SEMA5A: variants seen among roughly 807,000 people sequenced by gnomAD.
SEMA5A encodes the protein semaphorin 5A, also known as semaphorin-5A.
SEMA5A carries 55 observed loss-of-function variants against 135.5 expected under a neutral mutation model. That is an observed-to-expected ratio of 0.41 (90% confidence interval 0.33 to 0.51). The LOEUF (loss-of-function observed/expected upper bound fraction) is 0.51. SEMA5A is among the 20% of genes least tolerant of loss of function. SEMA5A has a pLI of 0.37. For synonymous variants in SEMA5A, 580 were observed against 546.5 expected (o/e 1.06, Z -0.85); for missense variants, 1,290 against 1,419.9 (o/e 0.91, Z 1.47).
chr5:9,156,631 G>T (rs1192836081), intron 11 of SEMA5A, among the ~76,000 whole-genome samples: 1 of 152,206 alleles, frequency 6.6e-6, no homozygotes, highest in Non-Finnish European at 1.5e-5. Context: ...GAAGTTCAGG[G>T]GTGGGTGGCC....
intron 11 of SEMA5A, among the ~76,000 whole-genome samples, 184 bp from the exon 12 acceptor site, chr5:9,154,879 G>A (rs996011755): frequency 1.3e-5 from 2 of 152,092 alleles, no homozygotes; most frequent in African/African-American, 2.4e-5. Flanking sequence ...CACTGGATGT[G>A]GGGCCCAGGC....
At chr5:9,540,702 G>T (rs904416533) in intron 1 of SEMA5A, among the ~76,000 whole-genome samples, 1 of 152,186 alleles carries the variant, frequency 6.6e-6, no homozygotes, top group Admixed American at 6.5e-5. Context: ...AAATCCATTT[G>T]TTTACAGGAT....
At chr5:9,234,948 G>C (rs965400475) in intron 6 of SEMA5A, among the ~76,000 whole-genome samples, 19 of 152,086 alleles carry the variant, frequency 1.2e-4, no homozygotes, top group African/African-American at 4.6e-4. Context: ...ATACTTCTCT[G>C]GGTTCAATTT....
At chr5:9,301,555 C>G (rs1411205057) in intron 5 of SEMA5A, among the ~76,000 whole-genome samples, 1 of 152,140 alleles carries the variant, frequency 6.6e-6, no homozygotes, top group African/African-American at 2.4e-5. Flanking sequence ...GGGCCTTCTT[C>G]TTGGAAAGAC....
chr5:9,360,699 T>G (rs899551034), intron 3 of SEMA5A, among the ~76,000 whole-genome samples: 3 of 152,224 alleles, frequency 2.0e-5, no homozygotes, highest in African/African-American at 7.2e-5. Context: ...GTATTTTACA[T>G]ACACATTCCT....
intron 1 of SEMA5A, among the ~76,000 whole-genome samples, chr5:9,516,281 TAC>T (rs199764702): frequency 0.013 from 1,968 of 151,950 alleles, 26 homozygotes; most frequent in Non-Finnish European, 0.018. Context: ...TACACACGTA[TAC>T]ACACACACCA....
intron 1 of SEMA5A, among the ~76,000 whole-genome samples, chr5:9,455,714 C>T (rs1758808731): frequency 6.6e-6 from 1 of 152,150 alleles, no homozygotes; most frequent in Non-Finnish European, 1.5e-5. Context: ...TTTGACTTTT[C>T]AGCCAAACCA....
chr5:9,450,437 T>A (rs1473674729), intron 1 of SEMA5A, among the ~76,000 whole-genome samples: 1 of 152,168 alleles, frequency 6.6e-6, no homozygotes, highest in Non-Finnish European at 1.5e-5. Flanking sequence ...ATAGGAGTGT[T>A]CCTCTATATA....
At chr5:9,357,256 TA>T in intron 3 of SEMA5A, among the ~76,000 whole-genome samples, 1 of 152,258 alleles carries the variant, frequency 6.6e-6, no homozygotes, top group South Asian at 2.1e-4. Context: ...TAGAACTCCT[TA>T]AAAAAAGACT....
Position 9,036,727 on chromosome 5 carries a change from G to C in SEMA5A, c.*6170C>G, listed in dbSNP as rs928144198. On this transcript the variant is annotated 3_prime_UTR_variant, in exon 23 of 23. Transcript: ENST00000382496. ...GTCATTTTCTATTCCTGAGTTCAAA[G>C]AGACATAGGAGAATAATTTTCTTTA... The C allele has an allele frequency of 6.6e-6, 1 of 152,568 alleles. No individual in the cohort carries two copies. Among genetic ancestry groups the C allele is most frequent in the African/African-American group, 2.4e-5 (1 of 41,436 alleles). The allele number at this position is 152,568 out of a possible 1,614,324, so 9.5% of individuals were successfully genotyped here.
chr5:9,291,761 CTTT>C (rs57416491), intron 5 of SEMA5A, among the ~76,000 whole-genome samples: 21 of 128,148 alleles, frequency 1.6e-4, no homozygotes, highest in Admixed American at 2.3e-4. Flanking sequence ...CAGCCAAGTT[CTTT>C]TTTTTTTTTT....
chr5:9,180,371 GA>G (rs1744436359), intron 11 of SEMA5A, among the ~76,000 whole-genome samples: 1 of 152,070 alleles, frequency 6.6e-6, no homozygotes, highest in African/African-American at 2.4e-5. Flanking sequence ...TGTTATCAAA[GA>G]AGCACTCAAA....
intron 16 of SEMA5A, among the ~76,000 whole-genome samples, chr5:9,100,732 C>T (rs1483236483): frequency 1.3e-4 from 20 of 152,044 alleles, no homozygotes; most frequent in Admixed American, 1.3e-3. Context: ...CTCCTATTCC[C>T]ATGATGAAGA....
At chr5:9,495,495 T>C (rs12657696) in intron 1 of SEMA5A, among the ~76,000 whole-genome samples, 44,148 of 152,074 alleles carry the variant, frequency 0.29, 6,780 homozygotes, top group East Asian at 0.54. Flanking sequence ...GCTCCATCAT[T>C]AAATATATAT....
intron 1 of SEMA5A, among the ~76,000 whole-genome samples, chr5:9,492,348 A>T (rs1455466546): frequency 1.3e-5 from 2 of 152,240 alleles, no homozygotes; most frequent in African/African-American, 4.8e-5. Context: ...ACCTTGCTGA[A>T]ATTCACACAA....
intron 3 of SEMA5A, among the ~76,000 whole-genome samples, chr5:9,377,751 A>C (rs1037974006): frequency 3.3e-5 from 5 of 152,194 alleles, no homozygotes; most frequent in African/African-American, 7.2e-5. Context: ...AGAGTCCTGG[A>C]GATGAGTTGG....
intron 4 of SEMA5A, among the ~76,000 whole-genome samples, chr5:9,323,468 T>A (rs1752720401): frequency 6.7e-6 from 1 of 148,774 alleles, no homozygotes; most frequent in African/African-American, 2.4e-5. Context: ...GTTAATAAAA[T>A]CAGTTGATGA....
chr5:9,542,401 T>C (rs936843500), intron 1 of SEMA5A, among the ~76,000 whole-genome samples: 1 of 152,218 alleles, frequency 6.6e-6, no homozygotes, highest in Non-Finnish European at 1.5e-5. Context: ...TCAAGACAAC[T>C]GAAAGTACTT....
At chr5:9,189,205 C>T (rs34723029) in intron 11 of SEMA5A, among the ~76,000 whole-genome samples, 12,663 of 152,264 alleles carry the variant, frequency 0.083, 545 homozygotes, top group East Asian at 0.17. Flanking sequence ...GCTGTCTCTG[C>T]GCATCTGCTG....
Sources: gnomAD v4.1 joint callset for allele counts (sites outside exome capture counted in the v4.1 genomes callset) on GRCh38, gnomAD v4.1.1 for gene constraint, MANE v1.5 for transcripts, NCBI Gene and HGNC (gene_info 2026-07-23, HGNC 2026-07-21) for gene names.